SCUBE2: variants seen among roughly 807,000 people sequenced by gnomAD.
The protein encoded by SCUBE2 is signal peptide, CUB domain and EGF like domain containing 2, also known as signal peptide, CUB and EGF-like domain-containing protein 2.
A neutral mutation model predicts 125.9 loss-of-function variants in SCUBE2; 114 were observed. The ratio of observed to expected loss-of-function variants is 0.91; its 90% CI spans 0.78 to 1.06. SCUBE2 has a LOEUF of 1.06. Among genes scored for constraint, SCUBE2 ranks in the 50% least tolerant of loss-of-function variants. SCUBE2 has a pLI of 0.00. For synonymous variants in SCUBE2, 459 were observed against 492.9 expected (o/e 0.93, Z 0.91); for missense variants, 1,255 against 1,301.8 (o/e 0.96, Z 0.55).
At chr11:9,033,889 G>T in intron 16 of SCUBE2, 93 bp from the exon 17 acceptor site, 1 of 1,275,412 alleles carries the variant, frequency 7.8e-7, no homozygotes, top group Non-Finnish European at 1.1e-6. Context: ...AGATGGCACT[G>T]ACCACACCAC....
chr11:9,053,586 C>T, intron 11 of SCUBE2, 51 bp downstream of exon 11: 1 of 1,603,772 alleles, frequency 6.2e-7, no homozygotes, highest in Non-Finnish European at 8.5e-7. Flanking sequence ...TGCACTGCCT[C>T]TGGGCCAGTG....
At chr11:9,050,750 C>A in intron 13 of SCUBE2, 40 bp from the exon 14 acceptor site, 1 of 1,506,908 alleles carries the variant, frequency 6.6e-7, no homozygotes, top group Non-Finnish European at 9.2e-7. Context: ...CCTTCAGAGG[C>A]AAAGGAATGG....
rs867528875 is a variant in SCUBE2, at chr11:9,020,447, C to G, written c.*598G>C. 1.3e-5 allele frequency: 2 copies of G among 150,608 alleles called. No homozygotes were observed. The highest frequency in any genetic ancestry group is 3.0e-5 in the Non-Finnish European group (2 of 67,634). 9.3% of individuals were successfully genotyped at this position (150,608 alleles called of 1,614,324 possible). ...TAATTCTTTCTGCTTTTTTTTTTCA[C>G]GAGCACTGCTTAGAACTCAAGTTCC... On this transcript the variant is annotated 3_prime_UTR_variant, in exon 23 of 23. Coordinates refer to ENST00000649792, the MANE Select transcript of SCUBE2 (RefSeq NM_001367977.2).
At chr11:9,073,146 C>T (rs1178635182) in intron 4 of SCUBE2, among the ~76,000 whole-genome samples, 1 of 152,180 alleles carries the variant, frequency 6.6e-6, no homozygotes, top group Non-Finnish European at 1.5e-5. Context: ...CCCTGAGATT[C>T]GGATCACTCT....
intron 16 of SCUBE2, among the ~76,000 whole-genome samples, chr11:9,040,779 A>G (rs1436002039): frequency 2.0e-5 from 3 of 152,328 alleles, no homozygotes; most frequent in African/African-American, 7.2e-5. Context: ...CCCAGGCAGG[A>G]TGGAGCAGGA....
At chr11:9,056,375 C>G (rs1859083408) in intron 9 of SCUBE2, among the ~76,000 whole-genome samples, 1 of 152,120 alleles carries the variant, frequency 6.6e-6, no homozygotes, top group Admixed American at 6.5e-5. Flanking sequence ...AGTTCCCATC[C>G]CTTTCTTATT....
intron 19 of SCUBE2, 73 bp from the exon 20 acceptor site, chr11:9,027,634 C>T: frequency 3.1e-6 from 4 of 1,278,950 alleles, no homozygotes; most frequent in South Asian, 1.4e-5. Flanking sequence ...GCTTGCCGAG[C>T]CCCGCAGCAC....
At chr11:9,031,173 A>G (rs1209782195) in intron 17 of SCUBE2, 2 of 360,204 alleles carry the variant, frequency 5.6e-6, no homozygotes, top group South Asian at 6.2e-5. Flanking sequence ...TCAAGTGTCA[A>G]CTGCTTCCAA....
chr11:9,022,278 G>T (rs77110723), intron 21 of SCUBE2, among the ~76,000 whole-genome samples: 5,302 of 152,120 alleles, frequency 0.035, 135 homozygotes, highest in Non-Finnish European at 0.054. Context: ...TAGTAATTCT[G>T]CTCTTTCTTT....
chr11:9,087,708 C>T (rs540961191), intron 2 of SCUBE2, among the ~76,000 whole-genome samples: 102 of 152,252 alleles, frequency 6.7e-4, no homozygotes, highest in Admixed American at 9.8e-4. Flanking sequence ...CAAACTTGCC[C>T]GTCATAATCC....
In SCUBE2 at chr11:9,060,403, G is replaced by C. The variant is rs778005990; in HGVS notation, c.967+5C>G. On this transcript the variant is annotated splice_donor_5th_base_variant and intron_variant, in intron 8 of 22. Coordinates refer to ENST00000649792, the MANE Select transcript of SCUBE2 (RefSeq NM_001367977.2). Reference sequence around the variant, plus strand: ...ACCCAGTCTCCCTGGGGAGGTGAAGGCTACCTTTACATGTCTTCCCATCCA... The same window carrying C: ...ACCCAGTCTCCCTGGGGAGGTGAAGCCTACCTTTACATGTCTTCCCATCCA... 20 of 1,609,306 alleles carry C rather than the reference G, an allele frequency of 1.2e-5. No individual in the cohort carries two copies. The highest frequency in any genetic ancestry group is 8.3e-5 in the Admixed American group (5 of 59,996).
At position 9,021,184 on chromosome 11, in the gene SCUBE2, A is replaced by ATAAG. The variant is rs745838950; in HGVS notation, c.2944_2947dup (p.Ile983ThrfsTer7). 18 of 1,577,322 alleles carry ATAAG rather than the reference A, an allele frequency of 1.1e-5. No individual in the cohort carries two copies. Among genetic ancestry groups the ATAAG allele is most frequent in the Non-Finnish European group, 1.5e-5 (17 of 1,164,372 alleles). Reference sequence around the variant, plus strand: ...GGCCAGGACATCAAACAGAGCCTTGATAAGTTTCTTATCCTAAAAAGAACA... The same window carrying ATAAG: ...GGCCAGGACATCAAACAGAGCCTTGATAAGTAAGTTTCTTATCCTAAAAAGAACA... On this transcript the variant is annotated frameshift_variant, in exon 23 of 23. Transcript: ENST00000649792. LOFTEE classifies it high-confidence loss of function.
rs1003380297 is a variant in SCUBE2, at chr11:9,091,233, G to A, written c.133+163C>T. 1.3e-5 allele frequency among the ~76,000 whole-genome samples: 2 copies of A among 152,146 alleles called. No individual in the cohort carries two copies. Among genetic ancestry groups the A allele is most frequent in the African/African-American group, 4.8e-5 (2 of 41,450 alleles). On this transcript the variant is annotated intron_variant, in intron 1 of 22. Transcript: ENST00000649792. The surrounding 1 kb of genome is among the most constrained non-coding windows in gnomAD (Gnocchi z 8.5). ...GGGCCCCAGCGGTCGTGGCGCCTTG[G>A]CCCGGCCGGCGGGTGAGGTCCCGGG... is the stretch of plus-strand genomic sequence containing the variant.
chr11:9,025,487 A>C (rs775789557), intron 21 of SCUBE2: 10 of 491,802 alleles, frequency 2.0e-5, no homozygotes, highest in African/African-American at 7.8e-5. Flanking sequence ...AGCTATGCTC[A>C]CTTTTAATAT....
intron 7 of SCUBE2, among the ~76,000 whole-genome samples, chr11:9,062,389 G>C (rs1352616347): frequency 6.6e-6 from 1 of 152,186 alleles, no homozygotes; most frequent in African/African-American, 2.4e-5. Flanking sequence ...ATTAGCATTC[G>C]AGGATCTCCA....
intron 2 of SCUBE2, 132 bp from the exon 3 acceptor site, chr11:9,079,641 C>T (rs749894722): frequency 2.3e-5 from 21 of 899,944 alleles, no homozygotes; most frequent in East Asian, 7.6e-5. Context: ...AAAACAAATA[C>T]GCACAAGGTT....
At chr11:9,075,972 C>T (rs940313373) in intron 3 of SCUBE2, among the ~76,000 whole-genome samples, 3 of 152,150 alleles carry the variant, frequency 2.0e-5, no homozygotes, top group Non-Finnish European at 4.4e-5. Flanking sequence ...TATGGTTGCC[C>T]CTGACCCCCA....
chr11:9,071,587 G>A (rs1860805538), intron 4 of SCUBE2, among the ~76,000 whole-genome samples: 1 of 152,154 alleles, frequency 6.6e-6, no homozygotes, highest in African/African-American at 2.4e-5. Flanking sequence ...TCCAAAATTG[G>A]TCTGGTTGTC....
chr11:9,047,169 G>A (rs6486112), intron 16 of SCUBE2, among the ~76,000 whole-genome samples, 187 bp downstream of exon 16: 91,607 of 151,904 alleles, frequency 0.6, 27,833 homozygotes, highest in Admixed American at 0.69. Context: ...GTCTCACTCC[G>A]GGGAGCTCTG....
Sources: allele counts gnomAD v4.1 joint callset (sites outside exome capture counted in the v4.1 genomes callset), GRCh38; gene constraint gnomAD v4.1.1; non-coding constraint Gnocchi (gnomAD v3.1); transcripts MANE v1.5; gene names NCBI Gene and HGNC (gene_info 2026-07-23, HGNC 2026-07-21).